Variants in TBC1D8 observed in about 807,000 individuals in gnomAD.
TBC1D8 encodes TBC1 domain family member 8.
In TBC1D8, 65 loss-of-function variants were observed where a neutral mutation model predicts 118.8. The observed-to-expected ratio is 0.55, with a 90% CI of 0.45 to 0.67. The LOEUF (loss-of-function observed/expected upper bound fraction) is 0.67. TBC1D8 is among the 30% of genes least tolerant of loss of function. TBC1D8 has a pLI of 0.00. For missense variants in TBC1D8, 1,376 were observed against 1,471.2 expected, an observed-to-expected ratio of 0.94 and a Z score of 1.06; for synonymous variants, 566 against 595.8, an observed-to-expected ratio of 0.95 and a Z score of 0.73.
At chr2:101,087,516 G>A (rs1456023986) in intron 2 of TBC1D8, among the ~76,000 whole-genome samples, 1 of 151,838 alleles carries the variant, frequency 6.6e-6, no homozygotes, top group African/African-American at 2.4e-5. Flanking sequence ...GGTGGCGCAT[G>A]CTTGCAATCC....
chr2:101,104,726 A>G (rs1677083230), intron 1 of TBC1D8, among the ~76,000 whole-genome samples: 1 of 152,232 alleles, frequency 6.6e-6, no homozygotes. Flanking sequence ...TAAAACTTCT[A>G]CAACATAGGT....
At chr2:101,036,231 T>C in intron 8 of TBC1D8, 63 bp from the exon 9 acceptor site, 2 of 1,576,502 alleles carry the variant, frequency 1.3e-6, no homozygotes, top group Non-Finnish European at 1.7e-6. Flanking sequence ...CACCCACCGA[T>C]GCACCGCTGG....
intron 17 of TBC1D8, among the ~76,000 whole-genome samples, chr2:101,013,902 C>T (rs1679421866): frequency 6.6e-6 from 1 of 152,202 alleles, no homozygotes; most frequent in African/African-American, 2.4e-5. Context: ...TCCTCTCATC[C>T]CTCCATAGTG....
intron 1 of TBC1D8, among the ~76,000 whole-genome samples, chr2:101,144,835 G>A (rs1003927126): frequency 1.3e-5 from 2 of 152,154 alleles, no homozygotes; most frequent in African/African-American, 4.8e-5. Context: ...CTACTCAGGA[G>A]GCTGAGGCAG....
chr2:101,059,429 T>G lies in TBC1D8; in HGVS notation c.394A>C (p.Lys132Gln), dbSNP rs1170816544. ...KDDIASFVKGKVKALIAEETS... is the reference protein window; with the variant it reads ...KDDIASFVKGQVKALIAEETS... ...AAACTCAGGGGACCTACCTTTACCT[T>G]CCCTTTGACAAAACTGGCAATGTCA... The change falls in exon 3 of 20, where the codon AAG becomes CAG. Residue 132 changes from lysine (K) to glutamine (Q), a missense_variant. Coordinates refer to ENST00000409318, the MANE Select transcript of TBC1D8 (RefSeq NM_001330348.2). 6.2e-7 allele frequency: 1 copy of G among 1,613,166 alleles called. No homozygotes were observed. The highest frequency in any genetic ancestry group is 8.5e-7 in the Non-Finnish European group (1 of 1,179,272).
intron 5 of TBC1D8, among the ~76,000 whole-genome samples, chr2:101,044,657 A>G (rs1451456112): frequency 6.6e-6 from 1 of 152,228 alleles, no homozygotes; most frequent in Non-Finnish European, 1.5e-5. Context: ...TACCCCAGCT[A>G]CACCTACCCT....
At chr2:101,031,789 G>C (rs1680684733) in intron 11 of TBC1D8, among the ~76,000 whole-genome samples, 2 of 152,066 alleles carry the variant, frequency 1.3e-5, no homozygotes, top group South Asian at 4.1e-4. Flanking sequence ...GGGCCTTGAG[G>C]GTCTCTAATT....
intron 1 of TBC1D8, among the ~76,000 whole-genome samples, chr2:101,145,011 A>C (rs1195796131): frequency 6.6e-6 from 1 of 152,178 alleles, no homozygotes; most frequent in African/African-American, 2.4e-5. Flanking sequence ...AAGATCATAA[A>C]ATCCTTCTGC....
chr2:101,077,616 A>G (rs1270406451), intron 2 of TBC1D8, among the ~76,000 whole-genome samples: 2 of 152,164 alleles, frequency 1.3e-5, no homozygotes, highest in Non-Finnish European at 2.9e-5. Flanking sequence ...GGACAGTATC[A>G]AGGGGATGGT....
intron 17 of TBC1D8, among the ~76,000 whole-genome samples, chr2:101,014,525 T>G (rs1470401082): frequency 2.0e-5 from 3 of 152,196 alleles, no homozygotes; most frequent in Non-Finnish European, 4.4e-5. Flanking sequence ...AGCTAAATCT[T>G]TAGAATGACT....
At chr2:101,131,565 A>C (rs1678592425) in intron 1 of TBC1D8, among the ~76,000 whole-genome samples, 1 of 152,148 alleles carries the variant, frequency 6.6e-6, no homozygotes, top group Non-Finnish European at 1.5e-5. Context: ...CTATAATCCC[A>C]GCACTTTGGG....
chr2:101,036,075 G>A lies in TBC1D8; in HGVS notation c.1546C>T (p.Leu516Phe), dbSNP rs757526918. ...GATTCAGGGATGCCCATGGCTACGA[G>A]CTTCCGAATCTTCTCTGTGCGAAAC... is the stretch of plus-strand genomic sequence containing the variant. ...CMFRTEKIRK[L>F]VAMGIPESLR... The change falls in exon 9 of 20, where the codon CTC (leucine) becomes TTC (phenylalanine). Residue 516 changes from leucine (L) to phenylalanine (F), a missense_variant. Physicochemically the swap from Leu to Phe is conservative, Grantham distance 22 (BLOSUM62 0). Coordinates refer to ENST00000409318, the MANE Select transcript of TBC1D8 (RefSeq NM_001330348.2). The A allele has an allele frequency of 4.8e-5, 77 of 1,613,922 alleles. No homozygotes were observed. In the South Asian group the frequency reaches 6.7e-4, roughly 14 times the overall value.
At position 101,007,600 on chromosome 2, in the gene TBC1D8, A is replaced by G. The variant is rs753134705; in HGVS notation, c.*221T>C. Reference sequence around the variant, plus strand: ...AATCCGGTAAAAATTGTAAGTTGGCATCAAGGGAACCAATGGATACCTTAG... The same window carrying G: ...AATCCGGTAAAAATTGTAAGTTGGCGTCAAGGGAACCAATGGATACCTTAG... On this transcript the variant is annotated 3_prime_UTR_variant, in exon 20 of 20. Coordinates refer to ENST00000409318, the MANE Select transcript of TBC1D8 (RefSeq NM_001330348.2). The G allele has an allele frequency of 1.5e-5, 8 of 541,114 alleles. No homozygotes were observed. The highest frequency in any genetic ancestry group is 3.0e-5 in the East Asian group (1 of 33,164). The allele number at this position is 541,114 out of a possible 1,614,324, so 33.5% of individuals were successfully genotyped here. A position where few individuals can be genotyped will look rare whatever the true frequency, so the allele number is the denominator to read the frequency against.
chr2:101,079,055 C>T (rs1264447792), intron 2 of TBC1D8, among the ~76,000 whole-genome samples: 1 of 152,178 alleles, frequency 6.6e-6, no homozygotes, highest in African/African-American at 2.4e-5. Flanking sequence ...ACCAGCAAAA[C>T]TGGCCAAGAA....
chr2:101,105,592 T>TAAA (rs55649821), intron 1 of TBC1D8, among the ~76,000 whole-genome samples: 36,721 of 123,880 alleles, frequency 0.3, 5,145 homozygotes, highest in East Asian at 0.33. Context: ...TGTCTCAAAT[T>TAAA]AAAAAAAAAA....
chr2:101,008,230 T>C lies in TBC1D8; in HGVS notation c.3059A>G (p.His1020Arg). The change falls in exon 20 of 20, where the codon CAT becomes CGT. Residue 1020 changes from histidine to arginine, a missense_variant. Physicochemically the swap from His to Arg is conservative, Grantham distance 29. Transcript: ENST00000409318. ...CAAATCATTTTCTTCTGGATCTTCA[T>C]GGAACATACTGTACAGAGTTTTACA... ...QFCKTLYSMFHEDPEENDLYQ... is the reference protein window; with the variant it reads ...QFCKTLYSMFREDPEENDLYQ... 2 of 1,596,046 alleles carry C rather than the reference T, an allele frequency of 1.3e-6. No individual in the cohort carries two copies. The highest frequency in any genetic ancestry group is 8.5e-7 in the Non-Finnish European group (1 of 1,170,372).
intron 2 of TBC1D8, among the ~76,000 whole-genome samples, chr2:101,083,206 TGAGC>T (rs1675378944): frequency 6.6e-6 from 1 of 152,212 alleles, no homozygotes; most frequent in Non-Finnish European, 1.5e-5. Flanking sequence ...CATGGTTTAC[TGAGC>T]ATTGATGACA....
At chr2:101,090,817 G>C (rs1313162037) in intron 1 of TBC1D8, among the ~76,000 whole-genome samples, 1 of 152,214 alleles carries the variant, frequency 6.6e-6, no homozygotes, top group Non-Finnish European at 1.5e-5. Context: ...CTACTTCATA[G>C]GGTAATTGGG....
intron 1 of TBC1D8, among the ~76,000 whole-genome samples, chr2:101,105,873 C>G (rs1441567686): frequency 6.6e-6 from 1 of 152,034 alleles, no homozygotes; most frequent in Non-Finnish European, 1.5e-5. Flanking sequence ...GGTATTTACC[C>G]AACTGACGTA....
Sources: gnomAD v4.1 joint callset for allele counts (sites outside exome capture counted in the v4.1 genomes callset) on GRCh38, gnomAD v4.1.1 for gene constraint, MANE v1.5 for transcripts, NCBI Gene and HGNC (gene_info 2026-07-23, HGNC 2026-07-21) for gene names.